KCNC1: variants seen among roughly 807,000 people sequenced by gnomAD.
KCNC1 encodes the protein voltage-gated potassium channel KCNC1.
A neutral mutation model predicts 43.4 loss-of-function variants in KCNC1; 8 were observed. The ratio of observed to expected loss-of-function variants is 0.18; its 90% CI spans 0.11 to 0.33. The LOEUF (loss-of-function observed/expected upper bound fraction) is 0.33, where lower values mean the gene tolerates loss of function less well. Ranked by LOEUF, KCNC1 falls within the 10% of genes least tolerant of loss-of-function variation. The pLI, the probability that KCNC1 is intolerant of heterozygous loss-of-function variation, is 1.00. For synonymous variants in KCNC1, 361 were observed against 360.5 expected (o/e 1.00, Z -0.01); for missense variants, 420 against 836.0 (o/e 0.50, Z 6.14).
At chr11:17,774,731 A>ATT (rs1269060428) in intron 2 of KCNC1, 2 of 985,178 alleles carry the variant, frequency 2.0e-6, no homozygotes, top group African/African-American at 3.5e-5. Flanking sequence ...CTGAGGAAGT[A>ATT]TTTGGGGCCC....
rs546017275 is a variant in KCNC1, at chr11:17,739,817, C to T, written c.570+3245C>T. 1.7e-4 allele frequency among the ~76,000 whole-genome samples: 26 copies of T among 151,808 alleles called. No homozygotes were observed. In the South Asian group the frequency reaches 5.4e-3, roughly 32 times the overall value. ...ATTGTGTGTGAAATCCTGTGTGTGA[C>T]AGTGTACGTGATGTGTGTGAGAACC... On this transcript the variant is annotated intron_variant, in intron 1 of 3. Coordinates refer to ENST00000265969, the MANE Select transcript of KCNC1 (RefSeq NM_001112741.2). The surrounding 1 kb of genome is among the most constrained non-coding windows in gnomAD (Gnocchi z 4.2).
intron 1 of KCNC1, among the ~76,000 whole-genome samples, chr11:17,748,817 G>T (rs1038420962): frequency 5.3e-5 from 8 of 152,136 alleles, no homozygotes; most frequent in Non-Finnish European, 1.2e-4. Flanking sequence ...CCTGCGTGGA[G>T]GGGGCTCCTG....
Position 17,777,519 on chromosome 11 carries a change from A to C in KCNC1, c.1505-1937A>C, listed in dbSNP as rs1318363834. 5.1e-6 allele frequency: 5 copies of C among 985,828 alleles called. No homozygotes were observed. Among genetic ancestry groups the C allele is most frequent in the Non-Finnish European group, 6.0e-6 (5 of 830,022 alleles). 61.1% of individuals were successfully genotyped at this position (985,828 alleles called of 1,614,324 possible). ...CCTCAGCCCGGAGACCCTTGGATGG[A>C]AGACTGGGCCAGCCAGAGTGGGAGG... On this transcript the variant is annotated intron_variant, in intron 2 of 3. Transcript: ENST00000265969. This position sits in a 1 kb window ranked among gnomAD's most constrained non-coding sequence, Gnocchi z 4.3.
intron 1 of KCNC1, among the ~76,000 whole-genome samples, chr11:17,761,803 T>C (rs1291396854): frequency 3.3e-5 from 5 of 152,214 alleles, no homozygotes; most frequent in Non-Finnish European, 7.3e-5. Context: ...GGTGAATTTC[T>C]GTTCCCACCC....
At chr11:17,737,341 G>A (rs981950407) in intron 1 of KCNC1, among the ~76,000 whole-genome samples, 4 of 152,102 alleles carry the variant, frequency 2.6e-5, no homozygotes, top group South Asian at 2.1e-4. Flanking sequence ...GGGACATCCC[G>A]TGGTGGGGAG....
At chr11:17,768,488 T>C (rs1849180273) in intron 1 of KCNC1, among the ~76,000 whole-genome samples, 1 of 151,642 alleles carries the variant, frequency 6.6e-6, no homozygotes, top group South Asian at 2.1e-4. Flanking sequence ...TGGGCAGAGC[T>C]GGGATTCCAG....
In KCNC1 at chr11:17,735,909, A is replaced by C; in HGVS notation, c.-94A>C. ...CCCCGACGGCTGGGGGGAGGGGGGAAGAGGGCGCGCGCCCCCCTCCCCGGC... is the reference window on the plus strand; with the variant it reads ...CCCCGACGGCTGGGGGGAGGGGGGACGAGGGCGCGCGCCCCCCTCCCCGGC... On this transcript the variant is annotated 5_prime_UTR_variant, in exon 1 of 4. Transcript: ENST00000265969. This position sits in a 1 kb window ranked among gnomAD's most constrained non-coding sequence, Gnocchi z 6.7. 5 of 1,298,510 alleles carry C rather than the reference A, an allele frequency of 3.9e-6. No individual in the cohort carries two copies. The highest frequency in any genetic ancestry group is 5.0e-6 in the Non-Finnish European group (5 of 1,003,936). The allele number at this position is 1,298,510 out of a possible 1,614,324, so 80.4% of individuals were successfully genotyped here.
intron 1 of KCNC1, among the ~76,000 whole-genome samples, chr11:17,763,786 ACAC>A (rs371824350): frequency 3.0e-4 from 40 of 133,812 alleles, no homozygotes; most frequent in African/African-American, 1.1e-3. Context: ...CACCCCACAC[ACAC>A]AATACACACA....
rs749156719 is a variant in KCNC1 at position 17,736,940 on chromosome 11, T to G, written c.570+368T>G. On this transcript the variant is annotated intron_variant, in intron 1 of 3. Coordinates refer to ENST00000265969, the MANE Select transcript of KCNC1 (RefSeq NM_001112741.2). The surrounding 1 kb of genome is among the most constrained non-coding windows in gnomAD (Gnocchi z 9.3). Reference sequence around the variant, plus strand: ...TCGAGTGTGCATGAGCGCCTGCCCGTGAACATTTGTGTCTTTGCAGAGGTG... The same window carrying G: ...TCGAGTGTGCATGAGCGCCTGCCCGGGAACATTTGTGTCTTTGCAGAGGTG... Among the ~76,000 whole-genome samples the G allele has an allele frequency of 9.9e-5, 15 of 152,136 alleles. 1 individual carries two copies. Among genetic ancestry groups the G allele is most frequent in the Non-Finnish European group, 2.9e-5 (2 of 68,024 alleles).
At position 17,739,391 on chromosome 11, in the gene KCNC1, G is replaced by C. The variant is rs914459535; in HGVS notation, c.570+2819G>C. Among the ~76,000 whole-genome samples the C allele has an allele frequency of 1.1e-5, 1 of 91,554 alleles. No homozygotes were observed. The allele number at this position is 91,554 out of a possible 152,430, so 60.1% of individuals were successfully genotyped here. A position where few individuals can be genotyped will look rare whatever the true frequency, so the allele number is the denominator to read the frequency against. On this transcript the variant is annotated intron_variant, in intron 1 of 3. Transcript: ENST00000265969. This position sits in a 1 kb window ranked among gnomAD's most constrained non-coding sequence, Gnocchi z 4.2. ...TGTGTGTGTGTGTGTGTGTGTGTGT[G>C]TGTGTGTGGTGAGACTGCGACTCTG...
chr11:17,747,622 G>A (rs1198503845), intron 1 of KCNC1, among the ~76,000 whole-genome samples: 2 of 152,186 alleles, frequency 1.3e-5, no homozygotes, highest in South Asian at 2.1e-4. Flanking sequence ...CCGCCAGGCC[G>A]ACGCCAGCCT....
At chr11:17,775,811 G>T in intron 2 of KCNC1, 2 of 985,758 alleles carry the variant, frequency 2.0e-6, no homozygotes, top group South Asian at 9.4e-5. Context: ...CCTGCCCATG[G>T]CACCTAGAAC....
chr11:17,759,906 C>T (rs1371159666), intron 1 of KCNC1, among the ~76,000 whole-genome samples: 2 of 152,116 alleles, frequency 1.3e-5, no homozygotes, highest in Non-Finnish European at 1.5e-5. Flanking sequence ...AAAAATAGCA[C>T]GGGTTGCCAC....
rs1849254035 is a variant in KCNC1 at position 17,773,450 on chromosome 11, C to G, written c.1504+852C>G. 1.0e-6 allele frequency: 1 copy of G among 984,876 alleles called. No homozygotes were observed. Among genetic ancestry groups the G allele is most frequent in the Non-Finnish European group, 1.2e-6 (1 of 829,876 alleles). 61.0% of individuals were successfully genotyped at this position (984,876 alleles called of 1,614,324 possible). A position where few individuals can be genotyped will look rare whatever the true frequency, so the allele number is the denominator to read the frequency against. The stretch of plus-strand genomic sequence containing the variant: ...CTTAGATGAAAGCGCTACAGACCAG[C>G]AACAGCCTCCCACCGAGGGTTCTCC... On this transcript the variant is annotated intron_variant, in intron 2 of 3. Coordinates refer to ENST00000265969, the MANE Select transcript of KCNC1 (RefSeq NM_001112741.2). The surrounding 1 kb of genome is among the most constrained non-coding windows in gnomAD (Gnocchi z 4.1).
intron 1 of KCNC1, among the ~76,000 whole-genome samples, chr11:17,767,352 C>T (rs1474410230): frequency 6.6e-6 from 1 of 152,046 alleles, no homozygotes; most frequent in African/African-American, 2.4e-5. Context: ...AAGTCTCAGC[C>T]TCATCACGAG....
Position 17,771,998 on chromosome 11 carries a change from G to A in KCNC1, c.904G>A (p.Ala302Thr). 6.2e-7 allele frequency: 1 copy of A among 1,614,062 alleles called. No individual in the cohort carries two copies. The highest frequency in any genetic ancestry group is 8.5e-7 in the Non-Finnish European group (1 of 1,180,024). ...EVGLSGLSSK[A>T]AKDVLGFLRV... is the part of the protein sequence containing the mutation. The stretch of plus-strand genomic sequence containing the variant: ...GGGGCTGAGCGGCCTGTCCTCCAAG[G>A]CAGCCAAGGACGTGCTGGGCTTCCT... Residue 302 changes from alanine (A) to threonine (T), a missense_variant, in exon 2 of 4, where the codon GCA (alanine) becomes ACA (threonine). By Grantham distance (58) the Ala-to-Thr change is moderately conservative. Around this residue, in one of 5 missense-constraint regions of KCNC1, gnomAD observed 58 missense variants for 256.9 expected, o/e 0.23. Coordinates refer to ENST00000265969, the MANE Select transcript of KCNC1 (RefSeq NM_001112741.2). This position sits in a 1 kb window ranked among gnomAD's most constrained non-coding sequence, Gnocchi z 4.7.
chr11:17,767,972 C>T (rs2133802041), intron 1 of KCNC1, among the ~76,000 whole-genome samples: 1 of 152,346 alleles, frequency 6.6e-6, no homozygotes, highest in Non-Finnish European at 1.5e-5. Flanking sequence ...CAATCAGGAT[C>T]TGAACTGAGA....
intron 1 of KCNC1, among the ~76,000 whole-genome samples, chr11:17,741,958 C>T (rs1224351718): frequency 1.3e-5 from 2 of 152,228 alleles, no homozygotes; most frequent in African/African-American, 2.4e-5. Context: ...CAGGGCCCTT[C>T]CTGGGAGAGA....
rs73424032 is a variant in KCNC1, at chr11:17,771,771, A to T, written c.677A>T (p.Asn226Ile). The change falls in exon 2 of 4, where the codon AAC (asparagine) becomes ATC (isoleucine). Residue 226 changes from asparagine to isoleucine, a missense_variant. Asn to Ile is a moderately radical substitution (Grantham distance 149). Coordinates refer to ENST00000265969, the MANE Select transcript of KCNC1 (RefSeq NM_001112741.2). The surrounding 1 kb of genome is among the most constrained non-coding windows in gnomAD (Gnocchi z 4.7). Reference sequence around the variant, plus strand: ...ATCGTGAACAAGACGGAGATCGAGAACGTTCGCAATGGCACGCAAGTGCGC... The same window carrying T: ...ATCGTGAACAAGACGGAGATCGAGATCGTTCGCAATGGCACGCAAGTGCGC... ...NPIVNKTEIE[N>I]VRNGTQVRYY... 5.2e-5 allele frequency: 84 copies of T among 1,614,242 alleles called. No individual in the cohort carries two copies. In the African/African-American group the frequency reaches 1.0e-3, roughly 20 times the overall value.
Sources: allele counts gnomAD v4.1 joint callset (sites outside exome capture counted in the v4.1 genomes callset), GRCh38; gene constraint gnomAD v4.1.1; regional missense constraint gnomAD v4.1.1; non-coding constraint Gnocchi (gnomAD v3.1); transcripts MANE v1.5; gene names NCBI Gene and HGNC (gene_info 2026-07-23, HGNC 2026-07-21).